CDH13: variants seen among roughly 807,000 people sequenced by gnomAD.
CDH13 encodes the protein cadherin-13.
Under a neutral mutation model 63.8 loss-of-function variants are expected in CDH13, and 24 were observed. The ratio of observed to expected loss-of-function variants is 0.38; its 90% CI spans 0.27 to 0.53. CDH13 has a LOEUF of 0.53. CDH13 is among the 20% of genes least tolerant of loss of function. The probability of loss-of-function intolerance (pLI) is 0.85; values close to 1 mark genes in which losing one functional copy is unlikely to be tolerated. For synonymous variants in CDH13, 503 were observed against 355.3 expected, an observed-to-expected ratio of 1.42 and a Z score of -4.67; for missense variants, 1,049 against 903.1, an observed-to-expected ratio of 1.16 and a Z score of -2.07.
intron 2 of CDH13, among the ~76,000 whole-genome samples, chr16:82,970,382 CTTTTTTTTTTTT>C (rs558393653): frequency 1.6e-4 from 12 of 76,750 alleles, no homozygotes; most frequent in Non-Finnish European, 2.3e-4. Context: ...AGTGCATATT[CTTTTTTTTTTTT>C]TTTTTTTTTT....
At chr16:83,068,563 C>T (rs1202762544) in intron 3 of CDH13, among the ~76,000 whole-genome samples, 3 of 152,194 alleles carry the variant, frequency 2.0e-5, no homozygotes, top group African/African-American at 7.2e-5. Flanking sequence ...ACACTATGGC[C>T]TGACCCTCTG....
intron 1 of CDH13, among the ~76,000 whole-genome samples, chr16:82,662,145 C>G (rs967706727): frequency 1.3e-5 from 2 of 149,750 alleles, no homozygotes; most frequent in Non-Finnish European, 3.0e-5. Flanking sequence ...GAAGTAAATG[C>G]AGATATTCTG....
intron 2 of CDH13, among the ~76,000 whole-genome samples, chr16:82,890,138 G>C (rs1221819409): frequency 6.6e-6 from 1 of 152,220 alleles, no homozygotes; most frequent in Admixed American, 6.5e-5. Flanking sequence ...GTTGATGCTA[G>C]CTGCAGTTGC....
At chr16:83,019,246 A>G (rs575175462) in intron 2 of CDH13, among the ~76,000 whole-genome samples, 1 of 152,176 alleles carries the variant, frequency 6.6e-6, no homozygotes, top group Admixed American at 6.5e-5. Flanking sequence ...TCTATTTTTA[A>G]ATGTTTTCTC....
At chr16:83,117,523 T>C (rs1272555376) in intron 3 of CDH13, among the ~76,000 whole-genome samples, 6 of 152,262 alleles carry the variant, frequency 3.9e-5, no homozygotes, top group East Asian at 1.9e-4. Context: ...TGTGTTCTCT[T>C]TCCCTTTCTG....
chr16:82,967,200 A>C lies in CDH13; in HGVS notation c.158-64810A>C, dbSNP rs148794509. Among the ~76,000 whole-genome samples, 255 of 152,038 alleles carry C rather than the reference A, an allele frequency of 1.7e-3. 1 individual carries two copies. The highest frequency in any genetic ancestry group is 6.0e-3 in the African/African-American group (247 of 41,464). On this transcript the variant is annotated intron_variant, in intron 2 of 13. Transcript: ENST00000567109. ...AACTTCCTATGTCAACACCTAAATA[A>C]TCTCTGCCACCCCCACCCCCATGGC...
intron 8 of CDH13, among the ~76,000 whole-genome samples, chr16:83,664,289 G>T (rs1896955667): frequency 6.6e-6 from 1 of 152,138 alleles, no homozygotes; most frequent in African/African-American, 2.4e-5. Flanking sequence ...CTGTGACGTA[G>T]CTAGGGAAGG....
rs927682884 is a variant in CDH13 at position 83,519,584 on chromosome 16, T to A, written c.960+32929T>A. On this transcript the variant is annotated intron_variant, in intron 7 of 13. Coordinates refer to ENST00000567109, the MANE Select transcript of CDH13 (RefSeq NM_001257.5). ...ATCCAGTTATAAGTTTACAGACCCT[T>A]TGATCAGAAGTCAGAGAAGTTGCCT... is the stretch of plus-strand genomic sequence containing the variant. 3.9e-5 allele frequency among the ~76,000 whole-genome samples: 6 copies of A among 152,322 alleles called. No homozygotes were observed. The South Asian group carries it at 1.2e-3, about 32-fold the overall frequency.
intron 8 of CDH13, among the ~76,000 whole-genome samples, chr16:83,603,462 G>C (rs1056792284): frequency 6.6e-6 from 1 of 152,186 alleles, no homozygotes; most frequent in Non-Finnish European, 1.5e-5. Context: ...GTGATGCTCA[G>C]AGAATCCAGA....
chr16:82,634,464 C>G (rs1014392438), intron 1 of CDH13, among the ~76,000 whole-genome samples: 1 of 152,192 alleles, frequency 6.6e-6, no homozygotes, highest in Non-Finnish European at 1.5e-5. Flanking sequence ...CCCGGAGTAT[C>G]CCTCCTCAAC....
chr16:82,714,663 G>A (rs1597388101), intron 1 of CDH13, among the ~76,000 whole-genome samples: 1 of 131,378 alleles, frequency 7.6e-6, no homozygotes, highest in Admixed American at 8.8e-5. Flanking sequence ...GCAGTGAGCC[G>A]AGATCAATCC....
chr16:83,267,969 G>A (rs1213290631), intron 5 of CDH13, among the ~76,000 whole-genome samples: 2 of 152,116 alleles, frequency 1.3e-5, no homozygotes, highest in Admixed American at 1.3e-4. Flanking sequence ...ACCATGAATG[G>A]CAAATTAATC....
chr16:82,934,950 G>A (rs2042618919), intron 2 of CDH13, among the ~76,000 whole-genome samples: 1 of 152,110 alleles, frequency 6.6e-6, no homozygotes, highest in Non-Finnish European at 1.5e-5. Flanking sequence ...CCTCCAAACT[G>A]TTCCAACCTC....
At chr16:82,721,627 A>G (rs1210615644) in intron 1 of CDH13, among the ~76,000 whole-genome samples, 2 of 152,148 alleles carry the variant, frequency 1.3e-5, no homozygotes, top group Non-Finnish European at 2.9e-5. Flanking sequence ...TAAAAGATGA[A>G]CCATAGGAAT....
intron 5 of CDH13, among the ~76,000 whole-genome samples, chr16:83,252,417 A>C (rs978321396): frequency 6.6e-6 from 1 of 152,122 alleles, no homozygotes; most frequent in African/African-American, 2.4e-5. Context: ...GGGGAAAATA[A>C]GATTTTATTA....
intron 4 of CDH13, among the ~76,000 whole-genome samples, chr16:83,156,049 G>A (rs1222270692): frequency 6.6e-6 from 1 of 152,188 alleles, no homozygotes; most frequent in African/African-American, 2.4e-5. Flanking sequence ...CATCTGGTGT[G>A]GGTCTGAAGG....
At chr16:82,963,559 G>A (rs1907354362) in intron 2 of CDH13, among the ~76,000 whole-genome samples, 1 of 151,994 alleles carries the variant, frequency 6.6e-6, no homozygotes, top group South Asian at 2.1e-4. Context: ...CCCATAGTCT[G>A]TCTTCCCCTT....
At chr16:82,673,002 T>TTTTTC (rs59478703) in intron 1 of CDH13, among the ~76,000 whole-genome samples, 17,593 of 114,370 alleles carry the variant, frequency 0.15, 2,766 homozygotes, top group East Asian at 0.29. Flanking sequence ...AAGTTTTCTT[T>TTTTTC]TTTTTTTTTT....
chr16:83,355,332 A>G (rs2091031561), intron 6 of CDH13, among the ~76,000 whole-genome samples: 1 of 152,218 alleles, frequency 6.6e-6, no homozygotes, highest in African/African-American at 2.4e-5. Context: ...TTACAATAAT[A>G]CTGTAAGCCT....
Sources: gnomAD v4.1 joint callset for allele counts (sites outside exome capture counted in the v4.1 genomes callset) on GRCh38, gnomAD v4.1.1 for gene constraint, MANE v1.5 for transcripts, NCBI Gene and HGNC (gene_info 2026-07-23, HGNC 2026-07-21) for gene names.